TSPAN18: variants seen among roughly 807,000 people sequenced by gnomAD.
TSPAN18 encodes the protein tetraspanin-18.
TSPAN18 carries 14 observed loss-of-function variants against 27.3 expected under a neutral mutation model. The observed-to-expected ratio is 0.51, with a 90% CI of 0.34 to 0.80. The LOEUF (loss-of-function observed/expected upper bound fraction) is 0.80, where lower values mean the gene tolerates loss of function less well. TSPAN18 is among the 30% of genes least tolerant of loss of function. The probability of loss-of-function intolerance (pLI) is 0.01; values close to 1 mark genes in which losing one functional copy is unlikely to be tolerated. For missense variants in TSPAN18, 268 were observed against 323.9 expected (o/e 0.83, Z 1.32); for synonymous variants, 143 against 136.5 (o/e 1.05, Z -0.33).
At chr11:44,860,275 A>G (rs1292157279) in intron 2 of TSPAN18, 53 bp from the exon 3 acceptor site, 1 of 152,216 alleles carries the variant, frequency 6.6e-6, no homozygotes, top group Non-Finnish European at 1.5e-5. Context: ...AACAGAAAGA[A>G]GAGACCGCAG....
At chr11:44,927,815 A>T (rs1223831410) in intron 9 of TSPAN18, among the ~76,000 whole-genome samples, 2 of 152,128 alleles carry the variant, frequency 1.3e-5, no homozygotes, top group Non-Finnish European at 2.9e-5. Context: ...CAGGATGTCT[A>T]AGTCACAGTT....
At chr11:44,907,148 C>T (rs1655905381) in intron 4 of TSPAN18, among the ~76,000 whole-genome samples, 1 of 139,946 alleles carries the variant, frequency 7.1e-6, no homozygotes, top group Admixed American at 7.2e-5. Context: ...AAGGGACAGC[C>T]CCGGACATTC....
chr11:44,889,779 A>G (rs1052429005), intron 3 of TSPAN18, among the ~76,000 whole-genome samples: 2 of 152,186 alleles, frequency 1.3e-5, no homozygotes, highest in African/African-American at 2.4e-5. Flanking sequence ...GGGCCTTCTC[A>G]TCTTGTGGTC....
intron 3 of TSPAN18, among the ~76,000 whole-genome samples, chr11:44,879,224 G>T (rs1023056403): frequency 6.6e-6 from 1 of 152,114 alleles, no homozygotes; most frequent in African/African-American, 2.4e-5. Flanking sequence ...TGTGAAAGAA[G>T]CCCACACGGA....
At chr11:44,730,017 A>G (rs1854613915) in intron 1 of TSPAN18, among the ~76,000 whole-genome samples, 1 of 152,162 alleles carries the variant, frequency 6.6e-6, no homozygotes, top group African/African-American at 2.4e-5. Context: ...CTTGCAACTT[A>G]GAGCAGGAGA....
intron 2 of TSPAN18, among the ~76,000 whole-genome samples, chr11:44,780,215 T>C (rs890636445): frequency 7.9e-5 from 12 of 152,030 alleles, no homozygotes; most frequent in African/African-American, 2.9e-4. Context: ...CACACACACA[T>C]GCACACACAC....
At chr11:44,922,808 C>T (rs1361545697) in intron 8 of TSPAN18, among the ~76,000 whole-genome samples, 1 of 152,058 alleles carries the variant, frequency 6.6e-6, no homozygotes, top group African/African-American at 2.4e-5. Context: ...GGGCATGTTG[C>T]GTCTAAGAAA....
chr11:44,796,101 C>T (rs1290273692), intron 2 of TSPAN18, among the ~76,000 whole-genome samples: 1 of 152,134 alleles, frequency 6.6e-6, no homozygotes, highest in Non-Finnish European at 1.5e-5. Context: ...GTTCAGGAGA[C>T]GCTTTGCCCA....
At chr11:44,863,694 C>T (rs1228455628) in intron 3 of TSPAN18, among the ~76,000 whole-genome samples, 4 of 152,152 alleles carry the variant, frequency 2.6e-5, no homozygotes, top group Non-Finnish European at 4.4e-5. Context: ...AAGCTCCTTC[C>T]GCTTGAAACA....
intron 3 of TSPAN18, among the ~76,000 whole-genome samples, chr11:44,885,558 C>T (rs978896246): frequency 6.6e-6 from 1 of 152,098 alleles, no homozygotes; most frequent in East Asian, 1.9e-4. Flanking sequence ...TGTCTCTTTC[C>T]AAGCCCAGCC....
chr11:44,792,843 G>A (rs1031942104), intron 2 of TSPAN18, among the ~76,000 whole-genome samples: 4 of 152,302 alleles, frequency 2.6e-5, no homozygotes, highest in Non-Finnish European at 5.9e-5. Flanking sequence ...GGCTTGTGGG[G>A]CAAGGGCTGG....
At chr11:44,823,778 A>G (rs1426068833) in intron 2 of TSPAN18, among the ~76,000 whole-genome samples, 1 of 152,096 alleles carries the variant, frequency 6.6e-6, no homozygotes, top group Non-Finnish European at 1.5e-5. Context: ...TTAAGGCAAA[A>G]TGAATAGAAC....
At chr11:44,848,708 A>G (rs1857535612) in intron 2 of TSPAN18, among the ~76,000 whole-genome samples, 1 of 152,122 alleles carries the variant, frequency 6.6e-6, no homozygotes, top group Non-Finnish European at 1.5e-5. Flanking sequence ...TCATTGGGGT[A>G]CCCCCATTCC....
intron 2 of TSPAN18, among the ~76,000 whole-genome samples, chr11:44,853,525 A>G (rs1857654158): frequency 6.6e-6 from 1 of 152,046 alleles, no homozygotes; most frequent in African/African-American, 2.4e-5. Flanking sequence ...TGTATTAAAT[A>G]CTCACAAGAA....
intron 2 of TSPAN18, among the ~76,000 whole-genome samples, chr11:44,798,825 T>C (rs1178859757): frequency 6.6e-6 from 1 of 152,194 alleles, no homozygotes; most frequent in African/African-American, 2.4e-5. Context: ...TTCAGGGATA[T>C]GAAGATAGAT....
intron 2 of TSPAN18, among the ~76,000 whole-genome samples, chr11:44,802,620 C>T (rs1856507625): frequency 6.6e-6 from 1 of 151,230 alleles, no homozygotes. Context: ...CACACACACA[C>T]ACACACACAC....
rs140346776 is a variant in TSPAN18 at position 44,761,733 on chromosome 11, C to T, written c.-239-2693C>T. 7.7e-4 allele frequency among the ~76,000 whole-genome samples: 117 copies of T among 152,342 alleles called. 1 individual carries two copies. The highest frequency in any genetic ancestry group is 2.5e-3 in the African/African-American group (104 of 41,578). ...TAATGTGTGACATTCACCCAGGCTGCGTGGCTGACAGGCACTCTTGACACT... is the reference window on the plus strand; with the variant it reads ...TAATGTGTGACATTCACCCAGGCTGTGTGGCTGACAGGCACTCTTGACACT... On this transcript the variant is annotated intron_variant, in intron 1 of 9. Coordinates refer to ENST00000520358, the MANE Select transcript of TSPAN18 (RefSeq NM_130783.5).
chr11:44,843,264 G>A (rs1350996773), intron 2 of TSPAN18, among the ~76,000 whole-genome samples: 1 of 152,136 alleles, frequency 6.6e-6, no homozygotes, highest in Admixed American at 6.5e-5. Flanking sequence ...TTTAAAGCTG[G>A]GCATCCGGGG....
intron 2 of TSPAN18, among the ~76,000 whole-genome samples, chr11:44,819,546 G>A (rs1258435777): frequency 1.3e-5 from 2 of 152,120 alleles, no homozygotes; most frequent in Non-Finnish European, 2.9e-5. Context: ...TGGCAGCCTC[G>A]TTGAAGTCAA....
Sources: gnomAD v4.1 joint callset for allele counts (sites outside exome capture counted in the v4.1 genomes callset) on GRCh38, gnomAD v4.1.1 for gene constraint, MANE v1.5 for transcripts, NCBI Gene and HGNC (gene_info 2026-07-23, HGNC 2026-07-21) for gene names.